MIR2052HG: variants seen among roughly 807,000 people sequenced by gnomAD.
The protein encoded by MIR2052HG is MIR2052 host gene.
chr8:74,649,171 G>T (rs943163345), intron 2 of MIR2052HG, among the ~76,000 whole-genome samples: 1 of 152,052 alleles, frequency 6.6e-6, no homozygotes, highest in African/African-American at 2.4e-5. Context: ...TGATTGATAC[G>T]GACTTTTAAG....
intron 4 of MIR2052HG, among the ~76,000 whole-genome samples, chr8:74,730,508 A>C (rs1809680582): frequency 6.6e-6 from 1 of 152,216 alleles, no homozygotes; most frequent in Non-Finnish European, 1.5e-5. Context: ...AGTCATATGA[A>C]AATATCCTAG....
chr8:74,733,506 A>C (rs1180314909), intron 4 of MIR2052HG, among the ~76,000 whole-genome samples: 1 of 149,846 alleles, frequency 6.7e-6, no homozygotes, highest in Non-Finnish European at 1.5e-5. Flanking sequence ...GTTGGTTCCA[A>C]GTCTTTGCTA....
chr8:74,746,533 T>C (rs1318722509), intron 4 of MIR2052HG, among the ~76,000 whole-genome samples: 1 of 150,998 alleles, frequency 6.6e-6, no homozygotes, highest in East Asian at 1.9e-4. Flanking sequence ...GAATGCAGGC[T>C]GAAAGTTGTA....
intron 4 of MIR2052HG, among the ~76,000 whole-genome samples, chr8:74,721,064 G>A (rs1351002716): frequency 6.6e-6 from 1 of 152,054 alleles, no homozygotes; most frequent in African/African-American, 2.4e-5. Context: ...CAAATATAAG[G>A]TGGCTTAATT....
At chr8:74,633,395 G>A (rs771287218) in intron 2 of MIR2052HG, 7 of 152,120 alleles carry the variant, frequency 4.6e-5, no homozygotes, top group African/African-American at 7.2e-5. Context: ...ACCCCTGGTG[G>A]TAGTTCTTAG....
At chr8:74,662,778 TG>T (rs753404929) in intron 2 of MIR2052HG, among the ~76,000 whole-genome samples, 4 of 152,060 alleles carry the variant, frequency 2.6e-5, no homozygotes, top group Non-Finnish European at 5.9e-5. Flanking sequence ...GGGGCTTATG[TG>T]GGCACTTTTG....
At chr8:74,709,270 T>C (rs186361414) in intron 4 of MIR2052HG, among the ~76,000 whole-genome samples, 1 of 152,216 alleles carries the variant, frequency 6.6e-6, no homozygotes, top group East Asian at 1.9e-4. Flanking sequence ...AGTTAATGTA[T>C]GGAGGAAGTA....
chr8:74,732,834 T>A (rs1426093878), intron 4 of MIR2052HG, among the ~76,000 whole-genome samples: 5 of 152,030 alleles, frequency 3.3e-5, no homozygotes, highest in African/African-American at 1.2e-4. Flanking sequence ...AGAAAACCAC[T>A]GATGAATGGG....
In MIR2052HG at chr8:74,643,197, G is replaced by A. The variant is rs544217667; in HGVS notation, n.216+30257G>A. ...CTCCCAACCTGGTTGCCTTCAAAAG[G>A]CGAATTATTCTTGTGCATTCAGTAA... On this transcript the variant is annotated intron_variant and non_coding_transcript_variant, in intron 2 of 6. Coordinates refer to ENST00000523442, the Ensembl canonical transcript of MIR2052HG. Among the ~76,000 whole-genome samples the A allele has an allele frequency of 4.6e-5, 7 of 152,240 alleles. No homozygotes were observed. In the South Asian group the frequency reaches 1.5e-3, roughly 32 times the overall value.
At chr8:74,676,070 A>T (rs1408907246) in intron 2 of MIR2052HG, among the ~76,000 whole-genome samples, 1 of 152,084 alleles carries the variant, frequency 6.6e-6, no homozygotes, top group Non-Finnish European at 1.5e-5. Context: ...AATGTCTTCA[A>T]TATGCTAAGA....
At chr8:74,640,558 G>C (rs1176523823) in intron 2 of MIR2052HG, among the ~76,000 whole-genome samples, 1 of 151,944 alleles carries the variant, frequency 6.6e-6, no homozygotes, top group Non-Finnish European at 1.5e-5. Context: ...GAAAGAGGCA[G>C]GTAGGTCATC....
At chr8:74,714,001 C>G (rs1253052697) in intron 4 of MIR2052HG, among the ~76,000 whole-genome samples, 1 of 151,976 alleles carries the variant, frequency 6.6e-6, no homozygotes, top group African/African-American at 2.4e-5. Context: ...AAGAGAGTCT[C>G]CTAAGAGACT....
At chr8:74,725,994 C>G (rs1809631776) in intron 4 of MIR2052HG, among the ~76,000 whole-genome samples, 1 of 151,944 alleles carries the variant, frequency 6.6e-6, no homozygotes, top group Non-Finnish European at 1.5e-5. Context: ...GAGTTTGAGA[C>G]CAGTCTGGCC....
At chr8:74,712,667 G>A (rs1809481531) in intron 4 of MIR2052HG, among the ~76,000 whole-genome samples, 1 of 150,194 alleles carries the variant, frequency 6.7e-6, no homozygotes, top group African/African-American at 2.5e-5. Flanking sequence ...TCAAAGGTTG[G>A]CCTCAGATTC....
At chr8:74,655,242 TGAG>T (rs1808792522) in intron 2 of MIR2052HG, among the ~76,000 whole-genome samples, 1 of 152,136 alleles carries the variant, frequency 6.6e-6, no homozygotes, top group African/African-American at 2.4e-5. Flanking sequence ...ACCCATTTTT[TGAG>T]GAGAAAATCA....
chr8:74,749,390 A>C (rs1207648944), intron 4 of MIR2052HG, among the ~76,000 whole-genome samples: 1 of 151,966 alleles, frequency 6.6e-6, no homozygotes, highest in Non-Finnish European at 1.5e-5. Context: ...GCCACTTCCT[A>C]TCACCAAGTT....
At chr8:74,634,438 A>G (rs1563519134) in intron 2 of MIR2052HG, among the ~76,000 whole-genome samples, 1 of 152,202 alleles carries the variant, frequency 6.6e-6, no homozygotes, top group Non-Finnish European at 1.5e-5. Context: ...CGTCACCTGT[A>G]TCTTTACTTA....
intron 4 of MIR2052HG, among the ~76,000 whole-genome samples, chr8:74,737,470 G>A (rs1214918859): frequency 2.0e-5 from 3 of 151,972 alleles, no homozygotes. Context: ...TTTGTTGGGC[G>A]TTTTGTCCAA....
intron 1 of MIR2052HG, chr8:74,603,741 C>T (rs956198972): frequency 1.2e-6 from 1 of 861,032 alleles, no homozygotes; most frequent in Non-Finnish European, 2.0e-6. Flanking sequence ...TCGGGGGGGA[C>T]TCCAACATGA....
Sources: allele counts gnomAD v4.1 joint callset (sites outside exome capture counted in the v4.1 genomes callset), GRCh38; gene constraint gnomAD v4.1.1; transcripts MANE v1.5; gene names NCBI Gene and HGNC (gene_info 2026-07-23, HGNC 2026-07-21).